ARHGAP36: variants seen among roughly 807,000 people sequenced by gnomAD.
The protein encoded by ARHGAP36 is Rho GTPase activating protein 36.
ARHGAP36 carries 7 observed loss-of-function variants against 32.9 expected under a neutral mutation model. That is an observed-to-expected ratio of 0.21 (90% CI 0.12 to 0.40). The LOEUF is 0.40. Ranked by LOEUF, ARHGAP36 falls within the 10% of genes least tolerant of loss-of-function variation. The pLI is 1.00. For synonymous variants in ARHGAP36, 165 were observed against 168.3 expected (o/e 0.98, Z 0.15); for missense variants, 383 against 442.2 (o/e 0.87, Z 1.20).
chrX:131,080,927 C>G (rs764635107), intron 1 of ARHGAP36, among the ~76,000 whole-genome samples: 1 of 111,706 alleles, frequency 9.0e-6, no homozygotes, highest in South Asian at 3.7e-4. Flanking sequence ...AAAATTAATA[C>G]AATTCTGTGT....
At chrX:131,059,408 T>C (rs892534180) in intron 1 of ARHGAP36, among the ~76,000 whole-genome samples, 1 of 108,654 alleles carries the variant, frequency 9.2e-6, no homozygotes, top group African/African-American at 3.4e-5. Flanking sequence ...AAAATCTATA[T>C]TGGTGAGAGT....
intron 1 of ARHGAP36, among the ~76,000 whole-genome samples, chrX:131,065,485 T>C (rs2079693679): frequency 9.0e-6 from 1 of 111,231 alleles, no homozygotes; most frequent in Non-Finnish European, 1.9e-5. Flanking sequence ...GCCAGTATAT[T>C]CAGAGGAGAA....
At chrX:131,078,629 T>A in intron 1 of ARHGAP36, 1 of 571,029 alleles carries the variant, frequency 1.8e-6, no homozygotes, top group Non-Finnish European at 2.5e-6. Context: ...TCTCTCATAG[T>A]GCGAAAGCCT....
At chrX:131,077,807 T>TATA (rs1569366758) in intron 1 of ARHGAP36, among the ~76,000 whole-genome samples, 41 of 88,066 alleles carry the variant, frequency 4.7e-4, no homozygotes, top group African/African-American at 2.5e-3. Context: ...ATATATATAT[T>TATA]GCTAGTGACA....
chrX:131,071,180 GAGAGAC>G (rs372437082), intron 1 of ARHGAP36, among the ~76,000 whole-genome samples: 96 of 110,268 alleles, frequency 8.7e-4, no homozygotes, highest in Non-Finnish European at 1.3e-3. Flanking sequence ...GAGAGAGAGA[GAGAGAC>G]AGAGACAGAG....
At position 131,087,181 on chromosome X, in the gene ARHGAP36, C is replaced by G. The variant is rs149549407; in HGVS notation, c.1486+516C>G. On this transcript the variant is annotated intron_variant, in intron 11 of 11. Transcript: ENST00000276211. ...TCTTAACCTTGCAGAAGCTCCCTATCTTGATGTAATCCCAAACAATGAAAT... is the reference window on the plus strand; with the variant it reads ...TCTTAACCTTGCAGAAGCTCCCTATGTTGATGTAATCCCAAACAATGAAAT... Among the ~76,000 whole-genome samples the G allele has an allele frequency of 4.4e-3, 494 of 111,667 alleles. 3 individuals carry two copies. Among genetic ancestry groups the G allele is most frequent in the African/African-American group, 0.015 (466 of 30,710 alleles).
intron 7 of ARHGAP36, 89 bp from the exon 8 acceptor site, chrX:131,085,499 G>T (rs1313460260): frequency 9.3e-7 from 1 of 1,072,685 alleles, no homozygotes; most frequent in Admixed American, 2.9e-5. Context: ...ATAACTGCCA[G>T]CAAGTTTCAA....
chrX:131,088,080 A>G (rs1470031053), intron 11 of ARHGAP36, among the ~76,000 whole-genome samples: 1 of 112,358 alleles, frequency 8.9e-6, no homozygotes, highest in Non-Finnish European at 1.9e-5. Flanking sequence ...GAGGTTCAGA[A>G]TCCAAAGGCA....
At chrX:131,064,780 G>A (rs1204683951) in intron 1 of ARHGAP36, among the ~76,000 whole-genome samples, 1 of 110,828 alleles carries the variant, frequency 9.0e-6, no homozygotes, top group Non-Finnish European at 1.9e-5. Context: ...GATTTTCAAG[G>A]GCTTTACTCT....
intron 1 of ARHGAP36, among the ~76,000 whole-genome samples, chrX:131,061,038 C>A (rs2079665436): frequency 2.7e-5 from 3 of 111,408 alleles, no homozygotes. Context: ...GGGGAGGAAG[C>A]TGTCAGCTGA....
At chrX:131,085,266 T>C (rs2079828056) in intron 7 of ARHGAP36, among the ~76,000 whole-genome samples, 1 of 110,834 alleles carries the variant, frequency 9.0e-6, no homozygotes, top group African/African-American at 3.3e-5. Flanking sequence ...CTTATTTGGG[T>C]TACTTTCTTT....
Position 131,081,760 on chromosome X carries a change from T to C in ARHGAP36, c.95T>C (p.Val32Ala), listed in dbSNP as rs141982499. 16 of 1,210,383 alleles carry C rather than the reference T, an allele frequency of 1.3e-5. No homozygotes were observed. The African/African-American group carries it at 2.4e-4, about 19-fold the overall frequency. The part of the protein sequence containing the change: ...LLLLSAFIFL[V>A]SVLGGAPGHN... Reference sequence around the variant, plus strand: ...TTGTTGTCCGCCTTCATTTTTTTAGTGAGTGTCTTGGGAGGAGCCCCAGGA... The same window carrying C: ...TTGTTGTCCGCCTTCATTTTTTTAGCGAGTGTCTTGGGAGGAGCCCCAGGA... The change falls in exon 2 of 12, where the codon GTG becomes GCG. Residue 32 changes from valine to alanine, a missense_variant. Val to Ala is a moderately conservative substitution (Grantham distance 64). Around this residue, in one of 2 missense-constraint regions of ARHGAP36, gnomAD observed 156 missense variants for 131.0 expected, o/e 1.19. Coordinates refer to ENST00000276211, the MANE Select transcript of ARHGAP36 (RefSeq NM_144967.4).
At chrX:131,073,232 G>A (rs772684906) in intron 1 of ARHGAP36, among the ~76,000 whole-genome samples, 4 of 113,163 alleles carry the variant, frequency 3.5e-5, no homozygotes, top group Admixed American at 1.8e-4. Flanking sequence ...AGCAGTGAGT[G>A]GTTTCCGCGC....
Position 131,081,430 on chromosome X carries a change from C to G in ARHGAP36, c.-142-94C>G, listed in dbSNP as rs189654063. ...TTTATTTTTTCTTCTTATTTTCTCT[C>G]TTTGTACTTTTTTTTTCTAATTAGG... On this transcript the variant is annotated intron_variant, in intron 1 of 11. Coordinates refer to ENST00000276211, the MANE Select transcript of ARHGAP36 (RefSeq NM_144967.4). 5.4e-5 allele frequency: 37 copies of G among 686,320 alleles called. No individual in the cohort carries two copies. The African/African-American group carries it at 7.8e-4, about 15-fold the overall frequency. 56.6% of individuals were successfully genotyped at this position (686,320 alleles called of 1,213,427 possible). A position where few individuals can be genotyped will look rare whatever the true frequency, so the allele number is the denominator to read the frequency against.
chrX:131,081,515 C>CT lies in ARHGAP36; in HGVS notation c.-142-3dup, dbSNP rs2079798538. 1 of 985,153 alleles carries CT rather than the reference C, an allele frequency of 1.0e-6. No individual in the cohort carries two copies. The highest frequency in any genetic ancestry group is 1.3e-6 in the Non-Finnish European group (1 of 787,282). The allele number at this position is 985,153 out of a possible 1,213,427, so 81.2% of individuals were successfully genotyped here. On this transcript the variant is annotated splice_polypyrimidine_tract_variant and intron_variant, in intron 1 of 11. Transcript: ENST00000276211. ...ATTTTTGAAGTTGGATTTTTTTTTT[C>CT]TTTTTTAGCAAAAACAACCAGAGGC...
chrX:131,084,880 C>A, intron 6 of ARHGAP36, 34 bp from the exon 7 acceptor site: 1 of 1,206,107 alleles, frequency 8.3e-7, no homozygotes, highest in Non-Finnish European at 1.1e-6. Context: ...TGTGGTGGGC[C>A]AGGCAGACAG....
At chrX:131,070,160 C>A (rs1025245416) in intron 1 of ARHGAP36, among the ~76,000 whole-genome samples, 1 of 112,489 alleles carries the variant, frequency 8.9e-6, no homozygotes, top group African/African-American at 3.2e-5. Context: ...TTCCATTCCT[C>A]CTCAAAGCCC....
intron 1 of ARHGAP36, among the ~76,000 whole-genome samples, chrX:131,058,803 C>G (rs1417523787): frequency 3.5e-5 from 4 of 113,418 alleles, no homozygotes; most frequent in Non-Finnish European, 7.5e-5. Flanking sequence ...ATGTCCCTGA[C>G]AGGGCAAGCC....
intron 1 of ARHGAP36, among the ~76,000 whole-genome samples, chrX:131,067,835 C>T (rs1007612481): frequency 6.3e-5 from 7 of 111,866 alleles, no homozygotes; most frequent in African/African-American, 2.3e-4. Context: ...AGAAATCTTG[C>T]ACACGCACAC....
Sources: allele counts gnomAD v4.1 joint callset (sites outside exome capture counted in the v4.1 genomes callset), GRCh38; gene constraint gnomAD v4.1.1; regional missense constraint gnomAD v4.1.1; transcripts MANE v1.5; gene names NCBI Gene and HGNC (gene_info 2026-07-23, HGNC 2026-07-21).